Variants in GALNT13 observed in about 807,000 individuals in gnomAD.
GALNT13 encodes the protein UDP-GalNAc:polypeptide N-acetylgalactosaminyltransferase 13.
Under a neutral mutation model 64.2 loss-of-function variants are expected in GALNT13, and 28 were observed. The observed-to-expected ratio is 0.44, with a 90% CI of 0.32 to 0.60. The LOEUF (loss-of-function observed/expected upper bound fraction) is 0.60, where lower values mean the gene tolerates loss of function less well. Ranked by LOEUF, GALNT13 falls within the 20% of genes least tolerant of loss-of-function variation. GALNT13 has a pLI of 0.05. For missense variants in GALNT13, 577 were observed against 669.8 expected (o/e 0.86, Z 1.53); for synonymous variants, 214 against 224.6 (o/e 0.95, Z 0.42).
chr2:154,292,485 C>T (rs1471195105), intron 8 of GALNT13, among the ~76,000 whole-genome samples: 1 of 152,102 alleles, frequency 6.6e-6, no homozygotes, highest in Non-Finnish European at 1.5e-5. Flanking sequence ...AATTAGTTTG[C>T]CTTAATCCTC....
At chr2:154,381,809 C>T (rs1164156141) in intron 9 of GALNT13, among the ~76,000 whole-genome samples, 1 of 152,086 alleles carries the variant, frequency 6.6e-6, no homozygotes, top group African/African-American at 2.4e-5. Context: ...TTAATAGTTA[C>T]ATTTTTATTG....
At chr2:153,669,935 C>A in the GALNT13 span, among the ~76,000 whole-genome samples, 1 of 142,034 alleles carries the variant, frequency 7.0e-6, no homozygotes, top group Admixed American at 7.8e-5. Flanking sequence ...GGCAGTCTGA[C>A]ATCAACCTGG....
the GALNT13 span, among the ~76,000 whole-genome samples, chr2:153,349,082 A>T: frequency 6.6e-6 from 1 of 152,182 alleles, no homozygotes; most frequent in African/African-American, 2.4e-5. Context: ...CCTATGTCTT[A>T]GATTCCACCT....
chr2:153,718,559 T>C, the GALNT13 span, among the ~76,000 whole-genome samples: 1 of 152,122 alleles, frequency 6.6e-6, no homozygotes, highest in Non-Finnish European at 1.5e-5. Context: ...GAGGTGAAAT[T>C]TGCAGCTGAT....
At chr2:153,113,573 T>C in the GALNT13 span, among the ~76,000 whole-genome samples, 4 of 152,174 alleles carry the variant, frequency 2.6e-5, no homozygotes, top group African/African-American at 9.6e-5. Flanking sequence ...GTACTTATAA[T>C]ACTTCATGAA....
At chr2:153,290,998 C>T in the GALNT13 span, among the ~76,000 whole-genome samples, 1 of 151,954 alleles carries the variant, frequency 6.6e-6, no homozygotes, top group African/African-American at 2.4e-5. Flanking sequence ...TTTTCCTTGT[C>T]TTTGTTGTTG....
chr2:153,539,118 T>C, the GALNT13 span, among the ~76,000 whole-genome samples: 6 of 143,814 alleles, frequency 4.2e-5, no homozygotes, highest in Non-Finnish European at 7.5e-5. Flanking sequence ...ATTGTGGTTT[T>C]GATTTGCATT....
At chr2:153,390,432 C>T in the GALNT13 span, among the ~76,000 whole-genome samples, 683 of 151,968 alleles carry the variant, frequency 4.5e-3, 6 homozygotes, top group African/African-American at 0.015. Context: ...GAATGTTCTG[C>T]ACATGTAACC....
the GALNT13 span, among the ~76,000 whole-genome samples, chr2:153,752,999 C>G: frequency 6.6e-6 from 1 of 152,092 alleles, no homozygotes; most frequent in Admixed American, 6.6e-5. Flanking sequence ...CTCATTAATT[C>G]TTTCTACTGC....
chr2:153,811,210 G>C, the GALNT13 span, among the ~76,000 whole-genome samples: 1 of 152,074 alleles, frequency 6.6e-6, no homozygotes, highest in Non-Finnish European at 1.5e-5. Context: ...TCAAAATCCA[G>C]GTCTTTTTAT....
chr2:153,696,011 C>T, the GALNT13 span, among the ~76,000 whole-genome samples: 22 of 152,052 alleles, frequency 1.4e-4, no homozygotes, highest in East Asian at 2.5e-3. Context: ...ATAGGATAGA[C>T]GTATATATAA....
chr2:153,239,642 A>G, the GALNT13 span, among the ~76,000 whole-genome samples: 4 of 152,162 alleles, frequency 2.6e-5, no homozygotes, highest in African/African-American at 9.7e-5. Context: ...TGATTTGTGT[A>G]TGTTGAACTA....
the GALNT13 span, among the ~76,000 whole-genome samples, chr2:153,769,765 G>T: frequency 6.6e-6 from 1 of 151,984 alleles, no homozygotes; most frequent in African/African-American, 2.4e-5. Flanking sequence ...TTTCTCAAAG[G>T]ATTTGCTCAG....
chr2:153,153,594 C>G, the GALNT13 span, among the ~76,000 whole-genome samples: 1,876 of 150,254 alleles, frequency 0.012, 46 homozygotes, highest in African/African-American at 0.043. Context: ...GGTCCAGTAT[C>G]AATCTTCTCC....
At chr2:153,098,458 A>G in the GALNT13 span, among the ~76,000 whole-genome samples, 3 of 152,310 alleles carry the variant, frequency 2.0e-5, no homozygotes, top group South Asian at 6.2e-4. Context: ...TTCCTGACTT[A>G]TCTTTATAGT....
the GALNT13 span, among the ~76,000 whole-genome samples, chr2:153,725,279 G>T: frequency 1.7e-4 from 26 of 150,870 alleles, no homozygotes; most frequent in African/African-American, 6.1e-4. Flanking sequence ...ACACAGGAAG[G>T]GGAATATCAC....
chr2:154,042,350 G>A (rs1699026490), intron 3 of GALNT13, among the ~76,000 whole-genome samples: 1 of 139,728 alleles, frequency 7.2e-6, no homozygotes, highest in Non-Finnish European at 1.6e-5. Context: ...TTTAAATACT[G>A]TACTGAGGAT....
At chr2:154,235,998 CA>C in intron 4 of GALNT13, 1 of 1,085,354 alleles carries the variant, frequency 9.2e-7, no homozygotes, top group Non-Finnish European at 1.2e-6. Context: ...ATATTCTTTC[CA>C]AAGTAGATCA....
chr2:153,404,138 T>C, the GALNT13 span, among the ~76,000 whole-genome samples: 3 of 152,164 alleles, frequency 2.0e-5, no homozygotes, highest in African/African-American at 4.8e-5. Flanking sequence ...AGGAGTGGGT[T>C]AGTGACTTAA....
Sources: allele counts gnomAD v4.1 joint callset (sites outside exome capture counted in the v4.1 genomes callset), GRCh38; gene constraint gnomAD v4.1.1; transcripts MANE v1.5; gene names NCBI Gene and HGNC (gene_info 2026-07-23, HGNC 2026-07-21).